ZNF487: variants seen among roughly 807,000 people sequenced by gnomAD.
ZNF487 encodes zinc finger protein 487.
Under a neutral mutation model 3.0 loss-of-function variants are expected in ZNF487, and 4 were observed. That is an observed-to-expected ratio of 1.35 (90% CI 0.66 to 3.08). The LOEUF (loss-of-function observed/expected upper bound fraction) is 3.08. ZNF487 is among the 30% of genes most tolerant of loss of function. The probability of loss-of-function intolerance (pLI) is 0.01; values close to 1 mark genes in which losing one functional copy is unlikely to be tolerated. For synonymous variants in ZNF487, 55 were observed against 34.6 expected, an observed-to-expected ratio of 1.59 and a Z score of -2.06; for missense variants, 146 against 98.7, an observed-to-expected ratio of 1.48 and a Z score of -2.03.
chr10:43,459,597 G>T (rs1840345119), intron 1 of ZNF487, among the ~76,000 whole-genome samples: 1 of 151,928 alleles, frequency 6.6e-6, no homozygotes, highest in Non-Finnish European at 1.5e-5. Flanking sequence ...TTTAAGTCAG[G>T]TCTCACTCTG....
At chr10:43,467,114 A>G (rs763060143) in intron 1 of ZNF487, among the ~76,000 whole-genome samples, 26 of 152,090 alleles carry the variant, frequency 1.7e-4, no homozygotes, top group Middle Eastern at 3.4e-3. Context: ...TCCTCAAGTG[A>G]TCTGCCTGCC....
chr10:43,489,338 C>CATTT, the ZNF487 span, among the ~76,000 whole-genome samples: 3 of 152,012 alleles, frequency 2.0e-5, no homozygotes, highest in African/African-American at 7.2e-5. Flanking sequence ...ATTAGATACA[C>CATTT]ATTTATTTAT....
chr10:43,516,795 T>C, the ZNF487 span, among the ~76,000 whole-genome samples: 6 of 152,216 alleles, frequency 3.9e-5, no homozygotes, highest in Non-Finnish European at 7.3e-5. Flanking sequence ...GTTAGCCTCC[T>C]TTGGCAACAC....
the ZNF487 span, among the ~76,000 whole-genome samples, chr10:43,491,070 G>A: frequency 3.9e-4 from 55 of 142,526 alleles, 1 homozygote; most frequent in Admixed American, 1.7e-3. Context: ...AGGTTCAAGC[G>A]ATTCTCCTGC....
the ZNF487 span, among the ~76,000 whole-genome samples, chr10:43,502,527 A>G: frequency 6.6e-6 from 1 of 152,196 alleles, no homozygotes; most frequent in African/African-American, 2.4e-5. Flanking sequence ...TATAATAAAA[A>G]AAAAAGAAAC....
chr10:43,487,136 A>ATTT (rs5784601), downstream of ZNF487, among the ~76,000 whole-genome samples: 561 of 120,638 alleles, frequency 4.7e-3, 4 homozygotes, highest in African/African-American at 0.012. Flanking sequence ...GTCACTAAGA[A>ATTT]TTTTTTTTTT....
At chr10:43,486,136 A>T (rs1588751074), downstream of ZNF487, among the ~76,000 whole-genome samples, 1 of 152,246 alleles carries the variant, frequency 6.6e-6, no homozygotes, top group Non-Finnish European at 1.5e-5. Flanking sequence ...CATTACAAAA[A>T]ATATGAATGG....
chr10:43,461,230 C>T (rs1244436187), intron 1 of ZNF487, among the ~76,000 whole-genome samples: 2 of 152,004 alleles, frequency 1.3e-5, no homozygotes, highest in Non-Finnish European at 2.9e-5. Context: ...TGGTCTCAAA[C>T]TTCTGACCTC....
chr10:43,440,157 T>G (rs995955545), intron 1 of ZNF487, among the ~76,000 whole-genome samples: 13 of 151,520 alleles, frequency 8.6e-5, no homozygotes, highest in African/African-American at 3.1e-4. Flanking sequence ...CAAGCAATTC[T>G]CCTGCCTCAG....
intron 1 of ZNF487, among the ~76,000 whole-genome samples, chr10:43,441,593 A>G (rs1353007796): frequency 8.2e-6 from 1 of 121,920 alleles, no homozygotes; most frequent in Non-Finnish European, 1.7e-5. Context: ...GGGTTTTGCC[A>G]TGTTGCCCCA....
chr10:43,449,738 G>A (rs189757739), intron 1 of ZNF487, among the ~76,000 whole-genome samples: 2 of 150,946 alleles, frequency 1.3e-5, no homozygotes, highest in Middle Eastern at 3.4e-3. Context: ...GGAGTGCAGT[G>A]GCACTATTTC....
At chr10:43,517,041 A>G in the ZNF487 span, among the ~76,000 whole-genome samples, 1 of 152,330 alleles carries the variant, frequency 6.6e-6, no homozygotes, top group Admixed American at 6.5e-5. Context: ...ACTGCGTCCA[A>G]ATTTCTCTAA....
chr10:43,447,167 A>T (rs1839841547), intron 1 of ZNF487, among the ~76,000 whole-genome samples: 1 of 152,032 alleles, frequency 6.6e-6, no homozygotes, highest in South Asian at 2.1e-4. Context: ...AGACGGTGGA[A>T]AGCGGGAGAC....
chr10:43,484,061 G>A (rs1438438451), downstream of ZNF487, among the ~76,000 whole-genome samples: 3 of 150,904 alleles, frequency 2.0e-5, no homozygotes. Context: ...TAGAGACAGG[G>A]TTTCGCCATG....
At chr10:43,446,670 C>T (rs1447988845) in intron 1 of ZNF487, among the ~76,000 whole-genome samples, 2 of 150,570 alleles carry the variant, frequency 1.3e-5, no homozygotes, top group Admixed American at 6.6e-5. Flanking sequence ...TCTTCCTAGA[C>T]GGGATGACGG....
intron 1 of ZNF487, among the ~76,000 whole-genome samples, chr10:43,473,946 G>C (rs996881940): frequency 3.0e-4 from 46 of 152,010 alleles, no homozygotes; most frequent in African/African-American, 1.1e-3. Flanking sequence ...GATTGCTAGA[G>C]CCCAGGAGTT....
At chr10:43,460,140 G>T (rs1272977672) in intron 1 of ZNF487, among the ~76,000 whole-genome samples, 1 of 151,794 alleles carries the variant, frequency 6.6e-6, no homozygotes, top group African/African-American at 2.4e-5. Context: ...TAGACCAGAA[G>T]AATGAATTTA....
intron 3 of ZNF487, among the ~76,000 whole-genome samples, chr10:43,476,478 T>C (rs952039960): frequency 6.6e-6 from 1 of 152,198 alleles, no homozygotes; most frequent in Admixed American, 6.5e-5. Flanking sequence ...CTTCCTTCTA[T>C]ATCAATTTCA....
chr10:43,495,876 C>T, the ZNF487 span: 2 of 370,260 alleles, frequency 5.4e-6, no homozygotes, highest in African/African-American at 2.1e-5. Flanking sequence ...GATATAATGC[C>T]AAATAAAGGA....
Sources: gnomAD v4.1 joint callset for allele counts (sites outside exome capture counted in the v4.1 genomes callset) on GRCh38, gnomAD v4.1.1 for gene constraint, MANE v1.5 for transcripts, NCBI Gene and HGNC (gene_info 2026-07-23, HGNC 2026-07-21) for gene names.